GCNT4: variants seen among roughly 807,000 people sequenced by gnomAD.
The protein encoded by GCNT4 is glucosaminyl (N-acetyl) transferase 4, also known as beta-1,3-galactosyl-O-glycosyl-glycoprotein beta-1,6-N-acetylglucosaminyltransferase 4.
In GCNT4, 17 loss-of-function variants were observed where a neutral mutation model predicts 31.3. The observed-to-expected ratio is 0.54, with a 90% CI of 0.37 to 0.81. GCNT4 has a LOEUF of 0.81. GCNT4 is among the 40% of genes least tolerant of loss of function. The pLI is 0.00. For missense variants in GCNT4, 503 were observed against 525.5 expected, an observed-to-expected ratio of 0.96 and a Z score of 0.42; for synonymous variants, 158 against 190.6, an observed-to-expected ratio of 0.83 and a Z score of 1.41.
chr5:75,023,075 C>A (rs1042776647), downstream of GCNT4, among the ~76,000 whole-genome samples: 2 of 152,086 alleles, frequency 1.3e-5, no homozygotes, highest in African/African-American at 4.8e-5. Flanking sequence ...ACCAGGGATG[C>A]CAGAAAGAAT....
chr5:75,017,922 C>T, the GCNT4 span, among the ~76,000 whole-genome samples: 1 of 152,114 alleles, frequency 6.6e-6, no homozygotes, highest in Non-Finnish European at 1.5e-5. Context: ...TGCTGAGAAC[C>T]AGTGATCTAG....
chr5:75,046,893 G>T (rs762962070), intron 3 of GCNT4, among the ~76,000 whole-genome samples: 1 of 152,204 alleles, frequency 6.6e-6, no homozygotes, highest in East Asian at 1.9e-4. Flanking sequence ...TTAGATGCAG[G>T]AGATGAAATC....
chr5:75,045,606 C>G (rs549042046), intron 3 of GCNT4, among the ~76,000 whole-genome samples: 1 of 152,340 alleles, frequency 6.6e-6, no homozygotes, highest in East Asian at 1.9e-4. Context: ...TGTACAAACA[C>G]CTGTTTGAAT....
upstream of GCNT4, among the ~76,000 whole-genome samples, chr5:75,053,647 C>A (rs1379152707): frequency 6.6e-6 from 1 of 151,962 alleles, no homozygotes; most frequent in Non-Finnish European, 1.5e-5. Flanking sequence ...CTCCGTCGCC[C>A]TGCTGGGGAG....
At position 75,029,817 on chromosome 5, in the gene GCNT4, G is replaced by A. The variant is rs149074938; in HGVS notation, c.221C>T (p.Ser74Leu). The part of the protein sequence containing the change: ...KDEVRYEVNC[S>L]GIYEQEPLEI... Reference sequence around the variant, plus strand: ...CAAAGGCTCCTGTTCATAGATACCCGAACAGTTAACTTCATACCTGACTTC... The same window carrying A: ...CAAAGGCTCCTGTTCATAGATACCCAAACAGTTAACTTCATACCTGACTTC... Residue 74 changes from serine (S) to leucine (L), a missense_variant, in exon 4 of 4, where the codon TCG becomes TTG. Transcript: ENST00000652361. The A allele has an allele frequency of 9.3e-6, 15 of 1,613,826 alleles. No individual in the cohort carries two copies. Among genetic ancestry groups the A allele is most frequent in the African/African-American group, 6.7e-5 (5 of 74,854 alleles).
chr5:75,023,050 G>C (rs947079755), downstream of GCNT4, among the ~76,000 whole-genome samples: 3 of 152,272 alleles, frequency 2.0e-5, no homozygotes, highest in African/African-American at 7.2e-5. Context: ...TGGTCACATT[G>C]TTGCTCAGAA....
At chr5:75,053,088 C>T (rs80169829), upstream of GCNT4, among the ~76,000 whole-genome samples, 619 of 152,066 alleles carry the variant, frequency 4.1e-3, 3 homozygotes, top group Non-Finnish European at 4.7e-3. Flanking sequence ...CGCCCGTTAT[C>T]CAGGACACGC....
intron 2 of GCNT4, among the ~76,000 whole-genome samples, chr5:75,050,754 C>T (rs1205910100): frequency 6.8e-6 from 1 of 146,530 alleles, no homozygotes; most frequent in Admixed American, 6.8e-5. Context: ...TCACACCCTA[C>T]ACAAAACTCA....
In GCNT4 at chr5:75,027,833, G is replaced by A. The variant is rs1054617832; in HGVS notation, c.*843C>T. 1.4e-5 allele frequency: 2 copies of A among 142,886 alleles called. No homozygotes were observed. Among genetic ancestry groups the A allele is most frequent in the Non-Finnish European group, 3.0e-5 (2 of 67,284 alleles). 8.9% of individuals were successfully genotyped at this position (142,886 alleles called of 1,614,324 possible). A position where few individuals can be genotyped will look rare whatever the true frequency, so the allele number is the denominator to read the frequency against. On this transcript the variant is annotated 3_prime_UTR_variant, in exon 4 of 4. Transcript: ENST00000652361. Reference sequence around the variant, plus strand: ...TATGAATTGAGGACTTAGGCTTAATGTTCTGGTGTGTGACACTTGGAGCTA... The same window carrying A: ...TATGAATTGAGGACTTAGGCTTAATATTCTGGTGTGTGACACTTGGAGCTA...
At chr5:75,037,481 A>C (rs1204439114) in intron 3 of GCNT4, among the ~76,000 whole-genome samples, 1 of 152,250 alleles carries the variant, frequency 6.6e-6, no homozygotes, top group Non-Finnish European at 1.5e-5. Context: ...TCGGTCAGAA[A>C]TCCAATACAA....
intron 3 of GCNT4, among the ~76,000 whole-genome samples, chr5:75,045,627 A>G (rs1743421003): frequency 2.0e-5 from 3 of 152,146 alleles, no homozygotes; most frequent in Admixed American, 1.3e-4. Flanking sequence ...TCCTGCCTTC[A>G]CTCGTTCAAG....
At chr5:75,053,355 C>G (rs555294039), upstream of GCNT4, among the ~76,000 whole-genome samples, 1 of 152,212 alleles carries the variant, frequency 6.6e-6, no homozygotes, top group Non-Finnish European at 1.5e-5. Flanking sequence ...CCCCGCCTGC[C>G]GCCTGGAGAT....
chr5:75,029,387 T>C lies in GCNT4; in HGVS notation c.651A>G (p.Ser217=), dbSNP rs747797946. 3.7e-6 allele frequency: 6 copies of C among 1,614,188 alleles called. No individual in the cohort carries two copies. In the Admixed American group the frequency reaches 8.3e-5, roughly 22 times the overall value. ...AGTTGATAACATATTTCCACTGGAT[T>C]GAAGACTTCAGAAGGTCCGACAAGC... ...LNCLSDLLKS[S]IQWKYVINLC... is the part of the protein sequence containing the mutation. Residue 217 remains serine (S), a synonymous_variant, in exon 4 of 4, where the codon TCA becomes TCG. Coordinates refer to ENST00000652361, the MANE Select transcript of GCNT4 (RefSeq NM_001366737.1).
At chr5:75,039,259 T>G (rs987783183) in intron 3 of GCNT4, among the ~76,000 whole-genome samples, 1 of 151,986 alleles carries the variant, frequency 6.6e-6, no homozygotes, top group Non-Finnish European at 1.5e-5. Flanking sequence ...CTGGCTAATT[T>G]TTTTGGTATT....
chr5:75,049,348 T>C (rs1011886207), intron 2 of GCNT4, among the ~76,000 whole-genome samples: 3 of 152,204 alleles, frequency 2.0e-5, no homozygotes, highest in Admixed American at 1.3e-4. Context: ...CTTCATAACA[T>C]ATTAAGTTGT....
rs993765251 is a variant in GCNT4 at position 75,033,321 on chromosome 5, T to C, written c.-1-3283A>G. Reference sequence around the variant, plus strand: ...AGAGTCTGAGCTGGGCAGGAGGTCATGGTTGCCTGCCCAGACATAGAAGCT... The same window carrying C: ...AGAGTCTGAGCTGGGCAGGAGGTCACGGTTGCCTGCCCAGACATAGAAGCT... On this transcript the variant is annotated intron_variant, in intron 3 of 3. Coordinates refer to ENST00000652361, the MANE Select transcript of GCNT4 (RefSeq NM_001366737.1). Among the ~76,000 whole-genome samples the C allele has an allele frequency of 2.0e-5, 3 of 152,174 alleles. No individual in the cohort carries two copies. The East Asian group carries it at 5.8e-4, about 29-fold the overall frequency.
intron 3 of GCNT4, among the ~76,000 whole-genome samples, chr5:75,043,302 C>A (rs1392327424): frequency 6.6e-6 from 1 of 152,102 alleles, no homozygotes; most frequent in African/African-American, 2.4e-5. Context: ...GGGATAAAAT[C>A]CAGAAACAGA....
intron 3 of GCNT4, among the ~76,000 whole-genome samples, chr5:75,035,727 G>C (rs974634127): frequency 2.0e-5 from 3 of 152,186 alleles, no homozygotes; most frequent in Admixed American, 6.5e-5. Context: ...ACCTCCCTGG[G>C]ATGCAGCTCC....
Position 75,029,806 on chromosome 5 carries a change from CAT to C in GCNT4, c.230_231del (p.Tyr77Ter), listed in dbSNP as rs1743023159. Reference protein sequence around the residue: ...VRYEVNCSGIYEQEPLEIGKS... With the variant: ...VRYEVNCSGIXEQEPLEIGKS... ...TTTCCAATTTCCAAAGGCTCCTGTT[CAT>C]AGATACCCGAACAGTTAACTTCATA... On this transcript the variant is annotated frameshift_variant, in exon 4 of 4. Coordinates refer to ENST00000652361, the MANE Select transcript of GCNT4 (RefSeq NM_001366737.1). LOFTEE classifies it high-confidence loss of function. 6.2e-7 allele frequency: 1 copy of C among 1,613,976 alleles called. No individual in the cohort carries two copies. Among genetic ancestry groups the C allele is most frequent in the Non-Finnish European group, 8.5e-7 (1 of 1,180,006 alleles).
Sources: gnomAD v4.1 joint callset for allele counts (sites outside exome capture counted in the v4.1 genomes callset) on GRCh38, gnomAD v4.1.1 for gene constraint, MANE v1.5 for transcripts, NCBI Gene and HGNC (gene_info 2026-07-23, HGNC 2026-07-21) for gene names.